The following GRIA3 variants were observed in gnomAD, a reference collection of about 807,000 sequenced individuals.
The protein encoded by GRIA3 is glutamate ionotropic receptor AMPA type subunit 3.
A neutral mutation model predicts 63.0 loss-of-function variants in GRIA3; 3 were observed. The ratio of observed to expected loss-of-function variants is 0.05; its 90% CI spans 0.02 to 0.12. GRIA3 has a LOEUF of 0.12. Among genes scored for constraint, GRIA3 ranks in the 10% least tolerant of loss-of-function variants. The pLI is 1.00. For missense variants in GRIA3, 347 were observed against 700.9 expected (o/e 0.50, Z 5.70); for synonymous variants, 274 against 257.9 (o/e 1.06, Z -0.60).
At chrX:123,385,315 G>A (rs141032144) in intron 5 of GRIA3, among the ~76,000 whole-genome samples, 2 of 111,528 alleles carry the variant, frequency 1.8e-5, no homozygotes, top group East Asian at 5.6e-4. Flanking sequence ...TTGTAGGTGT[G>A]CAACCTTATT....
chrX:123,210,610 T>G (rs1928017982), intron 2 of GRIA3, among the ~76,000 whole-genome samples: 2 of 111,792 alleles, frequency 1.8e-5, no homozygotes, highest in Non-Finnish European at 3.8e-5. Flanking sequence ...CCCTTTCATA[T>G]AAAACATTCT....
At chrX:123,471,311 C>T (rs972108061) in intron 13 of GRIA3, among the ~76,000 whole-genome samples, 15 of 111,303 alleles carry the variant, frequency 1.3e-4, no homozygotes, top group African/African-American at 4.2e-4. Flanking sequence ...ATTCTACCAC[C>T]GGAAAAAAAT....
At chrX:123,473,506 A>G (rs1021802422) in intron 13 of GRIA3, among the ~76,000 whole-genome samples, 1 of 111,927 alleles carries the variant, frequency 8.9e-6, no homozygotes, top group African/African-American at 3.2e-5. Context: ...GTCCTGGGTG[A>G]TGCTGGGGCT....
chrX:123,447,659 C>A (rs925769270), intron 12 of GRIA3, among the ~76,000 whole-genome samples: 2 of 112,178 alleles, frequency 1.8e-5, no homozygotes, highest in Admixed American at 9.5e-5. Context: ...GTTTGACTTG[C>A]AAATCTGCAA....
intron 4 of GRIA3, among the ~76,000 whole-genome samples, chrX:123,338,544 T>A: frequency 8.9e-6 from 1 of 112,076 alleles, no homozygotes; most frequent in East Asian, 2.8e-4. Flanking sequence ...CATCAAACTA[T>A]ATTTTATTTA....
chrX:123,193,227 G>C (rs1014789737), intron 2 of GRIA3, among the ~76,000 whole-genome samples: 1 of 109,085 alleles, frequency 9.2e-6, no homozygotes, highest in Non-Finnish European at 1.9e-5. Flanking sequence ...GGCAGGTTCA[G>C]CGAGGAAGTA....
At chrX:123,443,014 T>C (rs938718263) in intron 12 of GRIA3, among the ~76,000 whole-genome samples, 17 of 110,215 alleles carry the variant, frequency 1.5e-4, no homozygotes, top group Middle Eastern at 4.6e-3. Flanking sequence ...CTGTCAGGGA[T>C]TGAGAAAAAG....
intron 13 of GRIA3, among the ~76,000 whole-genome samples, chrX:123,467,490 A>C (rs1263818272): frequency 8.9e-6 from 1 of 112,439 alleles, no homozygotes; most frequent in African/African-American, 3.2e-5. Flanking sequence ...GGCTCATTTC[A>C]TATTTACAAT....
At chrX:123,396,199 AAATAAT>A (rs10528905) in intron 6 of GRIA3, among the ~76,000 whole-genome samples, 7 of 85,982 alleles carry the variant, frequency 8.1e-5, no homozygotes, top group African/African-American at 1.3e-4. Context: ...CTCCATCTCA[AAATAAT>A]AATAATAATA....
intron 3 of GRIA3, among the ~76,000 whole-genome samples, chrX:123,305,607 G>T (rs372283182): frequency 8.9e-6 from 1 of 111,748 alleles, no homozygotes; most frequent in East Asian, 2.8e-4. Flanking sequence ...TCTGCACTGA[G>T]GGAAATTCTA....
intron 3 of GRIA3, among the ~76,000 whole-genome samples, chrX:123,261,327 G>A (rs1249784522): frequency 1.8e-5 from 2 of 111,628 alleles, no homozygotes; most frequent in Non-Finnish European, 3.8e-5. Context: ...CAGCTGTCAT[G>A]CAAAGCTGAA....
intron 12 of GRIA3, among the ~76,000 whole-genome samples, chrX:123,455,591 G>A (rs1309005010): frequency 9.0e-6 from 1 of 111,710 alleles, no homozygotes; most frequent in Non-Finnish European, 1.9e-5. Context: ...ACTTTACATG[G>A]TGAAGTATGG....
chrX:123,260,461 G>A (rs76241340), intron 3 of GRIA3, among the ~76,000 whole-genome samples: 209 of 3,463 alleles, frequency 0.06, 22 homozygotes, highest in African/African-American at 0.14. Flanking sequence ...AGAAAGAAAG[G>A]AAGGAAGAAG....
intron 5 of GRIA3, among the ~76,000 whole-genome samples, chrX:123,384,396 G>A (rs1012022845): frequency 1.1e-4 from 12 of 112,075 alleles, no homozygotes; most frequent in African/African-American, 3.2e-4. Context: ...AGACCAAGGC[G>A]GGTGGATCAC....
intron 11 of GRIA3, among the ~76,000 whole-genome samples, chrX:123,421,486 G>A (rs1170946751): frequency 8.9e-6 from 1 of 112,223 alleles, no homozygotes; most frequent in Non-Finnish European, 1.9e-5. Flanking sequence ...AACACCAGCA[G>A]TATACTTTAT....
chrX:123,252,704 T>C (rs1008512183), intron 2 of GRIA3, among the ~76,000 whole-genome samples: 1 of 111,714 alleles, frequency 9.0e-6, no homozygotes, highest in African/African-American at 3.3e-5. Context: ...ACCTAACCCC[T>C]GTGACTCGAT....
chrX:123,350,470 T>C (rs970032858), intron 4 of GRIA3, among the ~76,000 whole-genome samples: 1 of 112,077 alleles, frequency 8.9e-6, no homozygotes, highest in Non-Finnish European at 1.9e-5. Context: ...TCCCAACGGA[T>C]CTGTGGGCCT....
In GRIA3 at chrX:123,457,291, C is replaced by A. The variant is rs1256480281; in HGVS notation, c.2077-7574C>A. On this transcript the variant is annotated intron_variant, in intron 12 of 15. Coordinates refer to ENST00000620443, the MANE Select transcript of GRIA3 (RefSeq NM_007325.5). The stretch of plus-strand genomic sequence containing the variant: ...GAAGCCATTATACTGTTAGTGAACA[C>A]CTCTATGAGGACCATGACTGCTGAT... 5.4e-5 allele frequency among the ~76,000 whole-genome samples: 6 copies of A among 111,333 alleles called. 1 individual carries two copies. The East Asian group carries it at 1.7e-3, about 32-fold the overall frequency.
intron 14 of GRIA3, among the ~76,000 whole-genome samples, chrX:123,482,355 T>C (rs904808346): frequency 8.9e-6 from 1 of 112,049 alleles, no homozygotes; most frequent in Non-Finnish European, 1.9e-5. Context: ...AAAGGGGTGT[T>C]GCGGGGCAGA....
Sources: gnomAD v4.1 joint callset for allele counts (sites outside exome capture counted in the v4.1 genomes callset) on GRCh38, gnomAD v4.1.1 for gene constraint, MANE v1.5 for transcripts, NCBI Gene and HGNC (gene_info 2026-07-23, HGNC 2026-07-21) for gene names.